Variants in PTPRK observed in about 807,000 individuals in gnomAD.
The protein encoded by PTPRK is protein tyrosine phosphatase receptor type K, also known as receptor-type tyrosine-protein phosphatase kappa.
Under a neutral mutation model 178.0 loss-of-function variants are expected in PTPRK, and 75 were observed. That is an observed-to-expected ratio of 0.42 (90% CI 0.35 to 0.51). PTPRK has a LOEUF of 0.51. Among genes scored for constraint, PTPRK ranks in the 20% least tolerant of loss-of-function variants. PTPRK has a pLI of 0.02. For missense variants in PTPRK, 1,441 were observed against 1,797.8 expected, an observed-to-expected ratio of 0.80 and a Z score of 3.59; for synonymous variants, 637 against 620.6, an observed-to-expected ratio of 1.03 and a Z score of -0.39.
intron 1 of PTPRK, among the ~76,000 whole-genome samples, chr6:128,509,180 A>T (rs1455031904): frequency 1.3e-5 from 2 of 152,098 alleles, no homozygotes; most frequent in African/African-American, 4.8e-5. Context: ...GGTATAGTAT[A>T]TTTAAGGGTG....
chr6:128,462,914 C>T (rs2128413148), intron 1 of PTPRK, among the ~76,000 whole-genome samples: 1 of 152,162 alleles, frequency 6.6e-6, no homozygotes, highest in South Asian at 2.1e-4. Context: ...GCCTTGGCCT[C>T]CTAAAGTGCT....
intron 13 of PTPRK, among the ~76,000 whole-genome samples, chr6:128,010,737 A>G (rs1398329939): frequency 6.6e-6 from 1 of 151,254 alleles, no homozygotes; most frequent in Non-Finnish European, 1.5e-5. Flanking sequence ...ACAATTCACT[A>G]TAACTGTCTT....
intron 1 of PTPRK, among the ~76,000 whole-genome samples, chr6:128,504,455 G>C (rs540328692): frequency 6.6e-6 from 1 of 152,326 alleles, no homozygotes; most frequent in African/African-American, 2.4e-5. Context: ...AAGATCTCAA[G>C]TGGATACTTC....
intron 7 of PTPRK, among the ~76,000 whole-genome samples, chr6:128,130,705 T>G (rs1391141504): frequency 6.6e-6 from 1 of 152,192 alleles, no homozygotes; most frequent in Non-Finnish European, 1.5e-5. Context: ...ATTTGGCAAT[T>G]ACATTAAACA....
intron 3 of PTPRK, among the ~76,000 whole-genome samples, chr6:128,288,567 C>T (rs552988265): frequency 3.9e-5 from 6 of 152,186 alleles, no homozygotes; most frequent in East Asian, 1.9e-4. Flanking sequence ...GCATGGGATT[C>T]AGCTCTGTTA....
chr6:128,321,696 T>C (rs1051722580), intron 3 of PTPRK: 4 of 658,610 alleles, frequency 6.1e-6, no homozygotes, highest in East Asian at 2.7e-5. Flanking sequence ...TGAACAAAGC[T>C]GTAGGAAAGA....
chr6:128,508,589 CCA>C (rs1331049841), intron 1 of PTPRK, among the ~76,000 whole-genome samples: 2 of 152,042 alleles, frequency 1.3e-5, no homozygotes, highest in Non-Finnish European at 2.9e-5. Context: ...ACCCCCTTAC[CCA>C]CAGTTTCACT....
intron 1 of PTPRK, among the ~76,000 whole-genome samples, chr6:128,440,575 C>T (rs1425783987): frequency 1.3e-5 from 2 of 152,082 alleles, no homozygotes; most frequent in African/African-American, 2.4e-5. Context: ...CTTGTGAATC[C>T]ATCCTTAATT....
intron 13 of PTPRK, among the ~76,000 whole-genome samples, chr6:128,028,340 A>C (rs917064708): frequency 6.6e-6 from 1 of 152,164 alleles, no homozygotes; most frequent in Admixed American, 6.5e-5. Flanking sequence ...AGGTTACCAC[A>C]CTGTTTTAAT....
chr6:128,375,316 C>A (rs545135619), intron 2 of PTPRK, among the ~76,000 whole-genome samples: 6 of 151,584 alleles, frequency 4.0e-5, no homozygotes, highest in Admixed American at 2.0e-4. Flanking sequence ...AGGGAGGCCT[C>A]ATAATAATGG....
intron 1 of PTPRK, among the ~76,000 whole-genome samples, chr6:128,454,133 A>G (rs1273928838): frequency 6.6e-6 from 1 of 152,174 alleles, no homozygotes. Flanking sequence ...CCCTTCAGCC[A>G]AGTGAGGACA....
Position 128,092,606 on chromosome 6 carries a change from C to T in PTPRK, c.1163-2614G>A, listed in dbSNP as rs149410109. On this transcript the variant is annotated intron_variant, in intron 7 of 29. Transcript: ENST00000368226. ...TATATACACATACATGTGAAAGGTG[C>T]TATAGCATACAAACTTCTCTGAATA... is the stretch of plus-strand genomic sequence containing the variant. Among the ~76,000 whole-genome samples, 277 of 152,220 alleles carry T rather than the reference C, an allele frequency of 1.8e-3. 1 individual carries two copies. Among genetic ancestry groups the T allele is most frequent in the African/African-American group, 6.4e-3 (265 of 41,540 alleles).
At chr6:128,401,132 G>A (rs931476951) in intron 1 of PTPRK, among the ~76,000 whole-genome samples, 7 of 152,106 alleles carry the variant, frequency 4.6e-5, no homozygotes, top group Admixed American at 6.5e-5. Flanking sequence ...AATCAACTAA[G>A]GGACAGATCT....
At position 128,240,083 on chromosome 6, in the gene PTPRK, C is replaced by T; in HGVS notation, c.645G>A (p.Gln215=). The T allele has an allele frequency of 1.9e-6, 3 of 1,614,100 alleles. No individual in the cohort carries two copies. Among genetic ancestry groups the T allele is most frequent in the Non-Finnish European group, 2.5e-6 (3 of 1,179,980 alleles). ...CAGCATCTCTCCCTGTGGCAATGCA[C>T]TGAAATGTAGCGTTTTGCCCTGCAT... is the stretch of plus-strand genomic sequence containing the variant. ...EVNAGQNATF[Q]CIATGRDAVH... Residue 215 remains glutamine, a synonymous_variant, in exon 5 of 30, where the codon CAG becomes CAA. Coordinates refer to ENST00000368226, the MANE Select transcript of PTPRK (RefSeq NM_002844.4).
Position 127,998,599 on chromosome 6 carries a change from G to C in PTPRK, c.2679+121C>G, listed in dbSNP as rs1340869198. On this transcript the variant is annotated intron_variant, in intron 16 of 29. Coordinates refer to ENST00000368226, the MANE Select transcript of PTPRK (RefSeq NM_002844.4). ...CTTGGTTGTACACTCATAAACACTA[G>C]ATTAGAGAGCCTATAGAACAATCCC... is the stretch of plus-strand genomic sequence containing the variant. 3 of 742,584 alleles carry C rather than the reference G, an allele frequency of 4.0e-6. No individual in the cohort carries two copies. The African/African-American group carries it at 5.4e-5, about 13-fold the overall frequency. The allele number at this position is 742,584 out of a possible 1,614,324, so 46.0% of individuals were successfully genotyped here.
chr6:128,222,582 A>G (rs1229160775), intron 5 of PTPRK, among the ~76,000 whole-genome samples: 2 of 152,164 alleles, frequency 1.3e-5, no homozygotes, highest in African/African-American at 2.4e-5. Flanking sequence ...GTGCTGTGAC[A>G]GTTTCCTCTC....
At chr6:128,326,788 G>A (rs1025200760) in intron 2 of PTPRK, among the ~76,000 whole-genome samples, 2 of 152,032 alleles carry the variant, frequency 1.3e-5, no homozygotes, top group Non-Finnish European at 2.9e-5. Flanking sequence ...TTTTGCATAT[G>A]TACAGTTTCT....
chr6:128,090,751 T>C (rs149970273), intron 7 of PTPRK, among the ~76,000 whole-genome samples: 19 of 152,324 alleles, frequency 1.2e-4, no homozygotes, highest in Non-Finnish European at 2.2e-4. Flanking sequence ...TCTTTCCTCA[T>C]TCAAGACTAA....
At chr6:128,107,688 T>C (rs190141779) in intron 7 of PTPRK, among the ~76,000 whole-genome samples, 291 of 152,338 alleles carry the variant, frequency 1.9e-3, no homozygotes, top group Admixed American at 3.1e-3. Flanking sequence ...CAAACTTCTT[T>C]TAAAAATGTA....
Sources: gnomAD v4.1 joint callset for allele counts (sites outside exome capture counted in the v4.1 genomes callset) on GRCh38, gnomAD v4.1.1 for gene constraint, MANE v1.5 for transcripts, NCBI Gene and HGNC (gene_info 2026-07-23, HGNC 2026-07-21) for gene names.